MTMR7: variants seen among roughly 807,000 people sequenced by gnomAD.
The protein encoded by MTMR7 is myotubularin related protein 7.
A neutral mutation model predicts 81.2 loss-of-function variants in MTMR7; 76 were observed. The ratio of observed to expected loss-of-function variants is 0.94; its 90% confidence interval spans 0.78 to 1.13. The LOEUF (loss-of-function observed/expected upper bound fraction) is 1.13. Among genes scored for constraint, MTMR7 ranks in the 50% most tolerant of loss-of-function variants. The pLI is 0.00. For missense variants in MTMR7, 1,044 were observed against 820.0 expected, an observed-to-expected ratio of 1.27 and a Z score of -3.34; for synonymous variants, 372 against 289.8, an observed-to-expected ratio of 1.28 and a Z score of -2.88.
chr8:17,365,044 C>G (rs1189774302), intron 3 of MTMR7, among the ~76,000 whole-genome samples: 1 of 152,190 alleles, frequency 6.6e-6, no homozygotes, highest in East Asian at 1.9e-4. Context: ...AGTGCATAAG[C>G]ATTCTCTTTC....
At chr8:17,410,822 GAAAAGCAA>G (rs1563387231) in intron 1 of MTMR7, among the ~76,000 whole-genome samples, 1 of 152,154 alleles carries the variant, frequency 6.6e-6, no homozygotes, top group Non-Finnish European at 1.5e-5. Flanking sequence ...CATTGTAACA[GAAAAGCAA>G]CTGTACATTA....
At chr8:17,339,772 C>A (rs1385140279) in intron 6 of MTMR7, among the ~76,000 whole-genome samples, 6 of 152,186 alleles carry the variant, frequency 3.9e-5, no homozygotes, top group African/African-American at 1.4e-4. Context: ...TAGGAAGGAA[C>A]AGCTGATTCA....
At chr8:17,304,658 T>C in intron 11 of MTMR7, 139 bp from the exon 12 acceptor site, 1 of 798,450 alleles carries the variant, frequency 1.3e-6, no homozygotes. Flanking sequence ...AAATGTATCA[T>C]CTTGGTGACT....
intron 1 of MTMR7, among the ~76,000 whole-genome samples, chr8:17,392,525 T>G (rs1355486744): frequency 1.3e-5 from 2 of 152,266 alleles, no homozygotes; most frequent in Non-Finnish European, 2.9e-5. Flanking sequence ...TCCCACTTTC[T>G]TCTCCATACT....
intron 6 of MTMR7, among the ~76,000 whole-genome samples, chr8:17,338,464 AG>A (rs1819314365): frequency 6.6e-6 from 1 of 152,214 alleles, no homozygotes. Flanking sequence ...TCCTCAGTAA[AG>A]CCCCCGTCTT....
At chr8:17,357,995 T>C (rs1164329872) in intron 4 of MTMR7, among the ~76,000 whole-genome samples, 1 of 152,144 alleles carries the variant, frequency 6.6e-6, no homozygotes, top group Non-Finnish European at 1.5e-5. Flanking sequence ...ATAGGGTATA[T>C]ACTTCTGAAA....
At chr8:17,383,449 G>A (rs1314413337) in intron 1 of MTMR7, among the ~76,000 whole-genome samples, 1 of 152,150 alleles carries the variant, frequency 6.6e-6, no homozygotes, top group African/African-American at 2.4e-5. Context: ...GACATGAAGA[G>A]CATGAAAAAT....
chr8:17,400,119 T>G (rs1338092481), intron 1 of MTMR7, among the ~76,000 whole-genome samples: 1 of 139,270 alleles, frequency 7.2e-6, no homozygotes, highest in African/African-American at 2.5e-5. Flanking sequence ...TTTATGTTTA[T>G]TTGTTTACTG....
At chr8:17,300,756 T>C (rs754288543) in intron 13 of MTMR7, among the ~76,000 whole-genome samples, 20 of 152,198 alleles carry the variant, frequency 1.3e-4, no homozygotes, top group Middle Eastern at 3.2e-3. Context: ...CCATACTCAT[T>C]AGCAGTCATT....
intron 1 of MTMR7, among the ~76,000 whole-genome samples, chr8:17,409,884 G>C (rs77144936): frequency 3.3e-4 from 50 of 152,298 alleles, no homozygotes; most frequent in African/African-American, 1.2e-3. Context: ...AAAAGAACTG[G>C]TCCCACTGGA....
chr8:17,362,310 C>T (rs968472351), intron 3 of MTMR7, among the ~76,000 whole-genome samples: 1 of 152,136 alleles, frequency 6.6e-6, no homozygotes, highest in Non-Finnish European at 1.5e-5. Context: ...AACCGCATAC[C>T]TCAGTTTGCA....
chr8:17,413,316 CCGGGCGGGCGCGGCCTCACGCACCTG>C lies in MTMR7; in HGVS notation c.-50_-25del. 6.5e-7 allele frequency: 1 copy of C among 1,530,096 alleles called. No individual in the cohort carries two copies. The highest frequency in any genetic ancestry group is 8.8e-7 in the Non-Finnish European group (1 of 1,137,260). 94.8% of individuals were successfully genotyped at this position (1,530,096 alleles called of 1,614,324 possible). Reference sequence around the variant, plus strand: ...ATGGCTGGCCCACGTCTGCAGGGTCCCGGGCGGGCGCGGCCTCACGCACCTGCGCGCCTCTGCGGCGCGATGGGAGG... The same window carrying C: ...ATGGCTGGCCCACGTCTGCAGGGTCCCGCGCCTCTGCGGCGCGATGGGAGG... On this transcript the variant is annotated 5_prime_UTR_variant, in exon 1 of 14. Coordinates refer to ENST00000180173, the MANE Select transcript of MTMR7 (RefSeq NM_004686.5).
At chr8:17,331,691 A>T (rs1430724800) in intron 6 of MTMR7, among the ~76,000 whole-genome samples, 1 of 152,216 alleles carries the variant, frequency 6.6e-6, no homozygotes, top group African/African-American at 2.4e-5. Flanking sequence ...GGCTCTATAC[A>T]TTATTATATC....
Position 17,300,169 on chromosome 8 carries a change from T to G in MTMR7, c.1676A>C (p.Gln559Pro), listed in dbSNP as rs142161778. The G allele has an allele frequency of 6.2e-7, 1 of 1,614,020 alleles. No homozygotes were observed. The highest frequency in any genetic ancestry group is 1.3e-5 in the African/African-American group (1 of 74,932). The change falls in exon 14 of 14, where the codon CAA becomes CCA. Residue 559 changes from glutamine to proline, a missense_variant. Gln to Pro is a moderately conservative substitution (Grantham distance 76). Coordinates refer to ENST00000180173, the MANE Select transcript of MTMR7 (RefSeq NM_004686.5). ...QLNCTKVKSK[Q>P]SEPSKHSGFS... ...CCCTGAGTGCTTGCTGGGCTCACTT[T>G]GCTTACTCTTCACCTTAGTGCAATT...
intron 1 of MTMR7, among the ~76,000 whole-genome samples, chr8:17,381,677 G>C (rs1820765690): frequency 6.6e-6 from 1 of 152,172 alleles, no homozygotes; most frequent in Non-Finnish European, 1.5e-5. Flanking sequence ...CCAGATCACT[G>C]TCAGTCATCT....
intron 1 of MTMR7, among the ~76,000 whole-genome samples, chr8:17,410,210 A>C (rs988334385): frequency 6.6e-6 from 1 of 152,178 alleles, no homozygotes; most frequent in African/African-American, 2.4e-5. Context: ...AAGAGAAGAC[A>C]TTTGCAAGGT....
At chr8:17,407,598 T>TA (rs11415153) in intron 1 of MTMR7, among the ~76,000 whole-genome samples, 8,789 of 148,308 alleles carry the variant, frequency 0.059, 523 homozygotes, top group East Asian at 0.35. Flanking sequence ...TCCATAGGAT[T>TA]AAAAAAAAAA....
intron 1 of MTMR7, among the ~76,000 whole-genome samples, chr8:17,397,270 TG>T (rs1223258414): frequency 6.6e-6 from 1 of 152,062 alleles, no homozygotes; most frequent in East Asian, 1.9e-4. Flanking sequence ...CGTGGTCCCT[TG>T]GGGTCCCTGA....
intron 3 of MTMR7, among the ~76,000 whole-genome samples, chr8:17,364,412 T>A (rs936375785): frequency 5.3e-5 from 8 of 152,198 alleles, no homozygotes; most frequent in Admixed American, 5.2e-4. Context: ...CCTCAAGTAT[T>A]TAACATTTTT....
Sources: gnomAD v4.1 joint callset for allele counts (sites outside exome capture counted in the v4.1 genomes callset) on GRCh38, gnomAD v4.1.1 for gene constraint, MANE v1.5 for transcripts, NCBI Gene and HGNC (gene_info 2026-07-23, HGNC 2026-07-21) for gene names.